The following MEGF11 variants were observed in gnomAD, a reference collection of about 807,000 sequenced individuals.
MEGF11 encodes multiple epidermal growth factor-like domains protein 11.
MEGF11 carries 126 observed loss-of-function variants against 146.6 expected under a neutral mutation model. The ratio of observed to expected loss-of-function variants is 0.86; its 90% confidence interval spans 0.74 to 1.00. MEGF11 has a LOEUF of 1.00. MEGF11 is among the 50% of genes least tolerant of loss of function. The pLI, the probability that MEGF11 is intolerant of heterozygous loss-of-function variation, is 0.00. For missense variants in MEGF11, 1,509 were observed against 1,521.2 expected, an observed-to-expected ratio of 0.99 and a Z score of 0.13; for synonymous variants, 532 against 583.4, an observed-to-expected ratio of 0.91 and a Z score of 1.27.
chr15:66,222,222 A>G (rs1320562955), intron 1 of MEGF11, among the ~76,000 whole-genome samples: 3 of 152,030 alleles, frequency 2.0e-5, no homozygotes, highest in Non-Finnish European at 2.9e-5. Flanking sequence ...GCACACAGGT[A>G]TATCTCCTGG....
At chr15:66,122,127 G>A (rs991279797) in intron 3 of MEGF11, among the ~76,000 whole-genome samples, 2 of 152,156 alleles carry the variant, frequency 1.3e-5, no homozygotes, top group African/African-American at 4.8e-5. Flanking sequence ...GAAGGGTGTG[G>A]TGGTGGGTGC....
At chr15:65,909,247 G>A in intron 22 of MEGF11, 112 bp from the exon 23 acceptor site, 1 of 760,930 alleles carries the variant, frequency 1.3e-6, no homozygotes, top group Non-Finnish European at 2.2e-6. Flanking sequence ...CAGGCTGGGA[G>A]GACTTGGGGG....
At chr15:66,150,866 G>GCT (rs2089548483) in intron 1 of MEGF11, among the ~76,000 whole-genome samples, 3 of 122,398 alleles carry the variant, frequency 2.5e-5, no homozygotes, top group Non-Finnish European at 3.5e-5. Context: ...GAGAGAGAGA[G>GCT]AGAGGAAAGA....
intron 4 of MEGF11, among the ~76,000 whole-genome samples, chr15:66,118,316 A>C (rs1045215268): frequency 5.9e-5 from 9 of 152,062 alleles, no homozygotes; most frequent in African/African-American, 1.9e-4. Context: ...TCTTGCCGAA[A>C]GCCCCATAGC....
At chr15:66,233,951 CTTTTTTTTT>C (rs57240560) in intron 1 of MEGF11, among the ~76,000 whole-genome samples, 1 of 119,932 alleles carries the variant, frequency 8.3e-6, no homozygotes, top group Non-Finnish European at 1.7e-5. Context: ...TTTTCTTTTT[CTTTTTTTTT>C]TTTTTTTGAG....
intron 5 of MEGF11, among the ~76,000 whole-genome samples, chr15:66,079,544 C>CCA (rs1555468272): frequency 1.4e-5 from 2 of 143,626 alleles, no homozygotes; most frequent in Admixed American, 6.8e-5. Flanking sequence ...CACACCCCCC[C>CCA]CCCCAGCACC....
rs757055243 is a variant in MEGF11, at chr15:65,915,544, T to G, written c.2399A>C (p.Asn800Thr). The G allele has an allele frequency of 1.4e-5, 23 of 1,613,960 alleles. No individual in the cohort carries two copies. The highest frequency in any genetic ancestry group is 1.9e-5 in the Non-Finnish European group (22 of 1,179,874). Residue 800 changes from asparagine (N) to threonine (T), a missense_variant, in exon 19 of 26, where the codon AAC becomes ACC. Transcript: ENST00000395614. Reference sequence around the variant, plus strand: ...GGTGACATGGTCACAGGTGGAGTTGTTCATGCACTCACATAGCTGCTGACA... The same window carrying G: ...GGTGACATGGTCACAGGTGGAGTTGGTCATGCACTCACATAGCTGCTGACA... ...YGCQQLCECM[N>T]NSTCDHVTGT...
At chr15:65,910,318 C>T (rs2078760403) in intron 21 of MEGF11, among the ~76,000 whole-genome samples, 1 of 152,158 alleles carries the variant, frequency 6.6e-6, no homozygotes, top group South Asian at 2.1e-4. Flanking sequence ...TGTAGTCCTT[C>T]CATTCTCTGC....
At chr15:65,990,933 G>A (rs561072163) in intron 5 of MEGF11, among the ~76,000 whole-genome samples, 1 of 152,298 alleles carries the variant, frequency 6.6e-6, no homozygotes, top group South Asian at 2.1e-4. Flanking sequence ...CTATCACTCA[G>A]TTTCCTATCT....
At position 65,896,891 on chromosome 15, in the gene MEGF11, T is replaced by C. The variant is rs1322693428; in HGVS notation, c.*1043A>G. ...TTTAGTTCCATTAAAAAGCATAATG[T>C]ACTTTAAGCAGTGTAAACTTGCTGT... On this transcript the variant is annotated 3_prime_UTR_variant, in exon 26 of 26. Transcript: ENST00000395614. The C allele has an allele frequency of 6.6e-6, 1 of 152,256 alleles. No individual in the cohort carries two copies. The highest frequency in any genetic ancestry group is 1.5e-5 in the Non-Finnish European group (1 of 68,048). The allele number at this position is 152,256 out of a possible 1,614,324, so 9.4% of individuals were successfully genotyped here.
chr15:65,996,382 C>T (rs928570930), intron 5 of MEGF11, among the ~76,000 whole-genome samples: 1 of 152,182 alleles, frequency 6.6e-6, no homozygotes, highest in African/African-American at 2.4e-5. Flanking sequence ...ATTTGCCTCA[C>T]TTTATGTAGC....
chr15:66,094,510 G>A lies in MEGF11; in HGVS notation c.302-16C>T. On this transcript the variant is annotated splice_polypyrimidine_tract_variant and intron_variant, in intron 4 of 25. Transcript: ENST00000395614. Reference sequence around the variant, plus strand: ...GTACACAGGGCTGAGGGGACATGGGGAGAGGGAGGAAGAACCAGAACAAAC... The same window carrying A: ...GTACACAGGGCTGAGGGGACATGGGAAGAGGGAGGAAGAACCAGAACAAAC... The A allele has an allele frequency of 6.4e-7, 1 of 1,552,416 alleles. No individual in the cohort carries two copies. The highest frequency in any genetic ancestry group is 1.4e-5 in the African/African-American group (1 of 73,330).
At chr15:66,115,623 C>T (rs2140890487) in intron 4 of MEGF11, among the ~76,000 whole-genome samples, 1 of 151,956 alleles carries the variant, frequency 6.6e-6, no homozygotes, top group Admixed American at 6.5e-5. Context: ...AAACAGCTGA[C>T]ACCAGCCTCT....
At chr15:66,195,042 A>G (rs1356631386) in intron 1 of MEGF11, among the ~76,000 whole-genome samples, 1 of 151,854 alleles carries the variant, frequency 6.6e-6, no homozygotes, top group African/African-American at 2.4e-5. Flanking sequence ...AAAGAAATGT[A>G]TGTCCTCACA....
intron 19 of MEGF11, among the ~76,000 whole-genome samples, chr15:65,914,479 G>A (rs549860705): frequency 2.6e-5 from 4 of 152,174 alleles, no homozygotes; most frequent in East Asian, 1.9e-4. Flanking sequence ...CTCCCCAGTC[G>A]TGAGCACCAA....
rs115612965 is a variant in MEGF11 at position 66,136,006 on chromosome 15, T to C, written c.-8-7595A>G. Among the ~76,000 whole-genome samples, 235 of 152,074 alleles carry C rather than the reference T, an allele frequency of 1.5e-3. 1 individual carries two copies. Among genetic ancestry groups the C allele is most frequent in the African/African-American group, 5.3e-3 (218 of 41,462 alleles). On this transcript the variant is annotated intron_variant, in intron 1 of 25. Transcript: ENST00000395614. ...TTCCCTGCCCTTCCCCTCCTCATCTTCTCCTCCCTCTTCACCCTTGCACTT... is the reference window on the plus strand; with the variant it reads ...TTCCCTGCCCTTCCCCTCCTCATCTCCTCCTCCCTCTTCACCCTTGCACTT...
chr15:66,002,972 GTTTCTTTCT>G (rs1452254159), intron 5 of MEGF11, among the ~76,000 whole-genome samples: 3 of 65,322 alleles, frequency 4.6e-5, no homozygotes, highest in African/African-American at 1.4e-4. Context: ...GTCTAGGGCT[GTTTCTTTCT>G]TTTCTTTCTT....
At chr15:66,002,069 G>C (rs1034606004) in intron 5 of MEGF11, among the ~76,000 whole-genome samples, 2 of 152,044 alleles carry the variant, frequency 1.3e-5, no homozygotes, top group Non-Finnish European at 2.9e-5. Context: ...GGAAGTTGTT[G>C]GGGATTGGGT....
chr15:65,904,513 A>G (rs2078572116), intron 24 of MEGF11, among the ~76,000 whole-genome samples: 1 of 152,220 alleles, frequency 6.6e-6, no homozygotes, highest in Admixed American at 6.5e-5. Flanking sequence ...TGTCTTGTTC[A>G]GAATGCAGTA....
Sources: allele counts gnomAD v4.1 joint callset (sites outside exome capture counted in the v4.1 genomes callset), GRCh38; gene constraint gnomAD v4.1.1; transcripts MANE v1.5; gene names NCBI Gene and HGNC (gene_info 2026-07-23, HGNC 2026-07-21).